The following UGT8 variants were observed in gnomAD, a reference collection of about 807,000 sequenced individuals.
The protein encoded by UGT8 is UDP glycosyltransferase 8.
In UGT8, 12 loss-of-function variants were observed where a neutral mutation model predicts 40.5. That is an observed-to-expected ratio of 0.30 (90% CI 0.19 to 0.48). UGT8 has a LOEUF of 0.48. UGT8 is among the 20% of genes least tolerant of loss of function. The probability of loss-of-function intolerance (pLI) is 0.99; values close to 1 mark genes in which losing one functional copy is unlikely to be tolerated. For synonymous variants in UGT8, 224 were observed against 240.4 expected (o/e 0.93, Z 0.63); for missense variants, 513 against 648.7 (o/e 0.79, Z 2.27).
chr4:114,625,312 A>C (rs1732131345), intron 2 of UGT8, among the ~76,000 whole-genome samples: 1 of 152,114 alleles, frequency 6.6e-6, no homozygotes, highest in African/African-American at 2.4e-5. Flanking sequence ...CAGGAGTTCG[A>C]GACCAGCCTG....
At chr4:114,638,859 C>A (rs933117772) in intron 2 of UGT8, among the ~76,000 whole-genome samples, 1 of 152,178 alleles carries the variant, frequency 6.6e-6, no homozygotes, top group Non-Finnish European at 1.5e-5. Flanking sequence ...TCTCTTACTG[C>A]AGAAGATTTT....
chr4:114,658,152 T>C (rs1002351389), intron 2 of UGT8, among the ~76,000 whole-genome samples: 1 of 152,214 alleles, frequency 6.6e-6, no homozygotes, highest in Admixed American at 6.5e-5. Flanking sequence ...TTTTACCTAC[T>C]AAATTTTGCA....
At chr4:114,664,431 CTT>C (rs1253453479) in intron 3 of UGT8, among the ~76,000 whole-genome samples, 1 of 152,102 alleles carries the variant, frequency 6.6e-6, no homozygotes, top group Non-Finnish European at 1.5e-5. Flanking sequence ...CTCGTTTACT[CTT>C]TTATTATTTA....
At chr4:114,627,863 GTTGT>G (rs1321897887) in intron 2 of UGT8, among the ~76,000 whole-genome samples, 5 of 152,176 alleles carry the variant, frequency 3.3e-5, no homozygotes, top group South Asian at 2.1e-4. Context: ...TGTTTTTGTT[GTTGT>G]TTGTTTGTTT....
intron 3 of UGT8, 52 bp from the exon 4 acceptor site, chr4:114,665,628 C>G: frequency 6.7e-7 from 1 of 1,488,078 alleles, no homozygotes; most frequent in Non-Finnish European, 9.1e-7. Context: ...AGAGCCCATA[C>G]TATGAGTAAG....
rs1370100148 is a variant in UGT8, at chr4:114,669,062, T to C, written c.1262+758T>C. On this transcript the variant is annotated intron_variant, in intron 5 of 5. Coordinates refer to ENST00000310836, the MANE Select transcript of UGT8 (RefSeq NM_001128174.3). ...GCTTTTTCTTTTTATGCCTAGGGGA[T>C]ATGGCTTAACACTGAGAAACACTTG... Among the ~76,000 whole-genome samples, 6 of 152,318 alleles carry C rather than the reference T, an allele frequency of 3.9e-5. No homozygotes were observed. In the East Asian group the frequency reaches 1.2e-3, roughly 29 times the overall value.
At chr4:114,662,826 T>C (rs1354854560) in intron 2 of UGT8, among the ~76,000 whole-genome samples, 1 of 131,990 alleles carries the variant, frequency 7.6e-6, no homozygotes, top group East Asian at 2.2e-4. Context: ...CTTTTTTTTT[T>C]TTTTTTTTTT....
chr4:114,607,585 A>G (rs1423524428), intron 1 of UGT8, among the ~76,000 whole-genome samples: 6 of 152,092 alleles, frequency 3.9e-5, no homozygotes, highest in African/African-American at 1.4e-4. Flanking sequence ...TTTTATTTAT[A>G]TATAGATGAT....
intron 2 of UGT8, among the ~76,000 whole-genome samples, chr4:114,625,049 A>G (rs1347548767): frequency 6.6e-6 from 1 of 151,902 alleles, no homozygotes; most frequent in African/African-American, 2.4e-5. Context: ...TTTGGTAATC[A>G]AGGTGTGTCT....
intron 2 of UGT8, among the ~76,000 whole-genome samples, chr4:114,644,957 G>A (rs184647786): frequency 5.9e-5 from 9 of 152,160 alleles, no homozygotes; most frequent in African/African-American, 2.2e-4. Context: ...GCTCCTTAAA[G>A]CTACTTTCAG....
chr4:114,614,076 G>T (rs556819072), intron 1 of UGT8, among the ~76,000 whole-genome samples: 99 of 152,160 alleles, frequency 6.5e-4, no homozygotes, highest in Non-Finnish European at 1.2e-3. Context: ...CCCCAGGTGG[G>T]CCTAAGCCAG....
At chr4:114,600,858 C>G (rs1476922326) in intron 1 of UGT8, among the ~76,000 whole-genome samples, 1 of 152,110 alleles carries the variant, frequency 6.6e-6, no homozygotes, top group African/African-American at 2.4e-5. Context: ...AGCAACTCTT[C>G]TAGATAATGC....
chr4:114,627,406 G>A (rs1732301036), intron 2 of UGT8, among the ~76,000 whole-genome samples: 1 of 151,698 alleles, frequency 6.6e-6, no homozygotes, highest in Admixed American at 6.6e-5. Context: ...CTACAGACTA[G>A]TGCTACCATA....
intron 5 of UGT8, among the ~76,000 whole-genome samples, chr4:114,672,341 A>C (rs1013067973): frequency 6.6e-6 from 1 of 152,214 alleles, no homozygotes; most frequent in Non-Finnish European, 1.5e-5. Flanking sequence ...AGGAATATAA[A>C]TCGTTCTGCT....
intron 1 of UGT8, among the ~76,000 whole-genome samples, chr4:114,603,152 G>A (rs1282700525): frequency 1.3e-5 from 2 of 152,122 alleles, no homozygotes; most frequent in African/African-American, 2.4e-5. Context: ...AGGAGGATGG[G>A]ATGGGAACTT....
rs1735726612 is a variant in UGT8, at chr4:114,677,442, C to T, written c.*1154C>T. ...TCTTGTTAACAAATCAGACTTTACA[C>T]TATATACAGATGTGACAGATAAATT... is the stretch of plus-strand genomic sequence containing the variant. On this transcript the variant is annotated 3_prime_UTR_variant, in exon 6 of 6. Transcript: ENST00000310836. 6.6e-6 allele frequency: 1 copy of T among 152,194 alleles called. No homozygotes were observed. The highest frequency in any genetic ancestry group is 2.1e-4 in the South Asian group (1 of 4,828). The allele number at this position is 152,194 out of a possible 1,614,324, so 9.4% of individuals were successfully genotyped here.
intron 2 of UGT8, among the ~76,000 whole-genome samples, chr4:114,652,827 C>G (rs61051739): frequency 0.062 from 9,391 of 152,026 alleles, 389 homozygotes; most frequent in East Asian, 0.14. Flanking sequence ...GGAGTCTTTG[C>G]TGGGTCCAGT....
rs547273975 is a variant in UGT8, at chr4:114,616,254, C to T, written c.-2-6625C>T. Among the ~76,000 whole-genome samples, 849 of 152,286 alleles carry T rather than the reference C, an allele frequency of 5.6e-3. 6 individuals are homozygous for T. Among genetic ancestry groups the T allele is most frequent in the Middle Eastern group, 0.017 (5 of 294 alleles). On this transcript the variant is annotated intron_variant, in intron 1 of 5. Transcript: ENST00000310836. ...GAGCTGCAGTGGGCTCCACCCAGTTCGAGCTTCCCGGCCGCCTTGTTTACC... is the reference window on the plus strand; with the variant it reads ...GAGCTGCAGTGGGCTCCACCCAGTTTGAGCTTCCCGGCCGCCTTGTTTACC...
intron 2 of UGT8, among the ~76,000 whole-genome samples, chr4:114,649,286 G>A (rs1311652371): frequency 6.6e-6 from 1 of 152,122 alleles, no homozygotes; most frequent in African/African-American, 2.4e-5. Context: ...CTATTTGAGT[G>A]ATACTGGCCT....
Sources: allele counts gnomAD v4.1 joint callset (sites outside exome capture counted in the v4.1 genomes callset), GRCh38; gene constraint gnomAD v4.1.1; transcripts MANE v1.5; gene names NCBI Gene and HGNC (gene_info 2026-07-23, HGNC 2026-07-21).